ZMAT4: variants seen among roughly 807,000 people sequenced by gnomAD.
The protein encoded by ZMAT4 is zinc finger matrin-type protein 4.
Under a neutral mutation model 28.7 loss-of-function variants are expected in ZMAT4, and 17 were observed. The observed-to-expected ratio is 0.59, with a 90% CI of 0.41 to 0.89. ZMAT4 has a LOEUF of 0.89. Among genes scored for constraint, ZMAT4 ranks in the 40% least tolerant of loss-of-function variants. The pLI is 0.00. For synonymous variants in ZMAT4, 117 were observed against 109.2 expected (o/e 1.07, Z -0.44); for missense variants, 240 against 283.8 (o/e 0.85, Z 1.11).
At chr8:40,773,332 G>T (rs921699547) in intron 2 of ZMAT4, among the ~76,000 whole-genome samples, 1 of 152,204 alleles carries the variant, frequency 6.6e-6, no homozygotes, top group Non-Finnish European at 1.5e-5. Flanking sequence ...CAGACCTCCT[G>T]CCCAGGCCAC....
At chr8:40,674,677 G>T (rs767994075) in intron 5 of ZMAT4, 27 bp downstream of exon 5, 5 of 1,583,846 alleles carry the variant, frequency 3.2e-6, no homozygotes, top group Non-Finnish European at 3.5e-6. Context: ...CCAGTTTTGT[G>T]GCAGAAGTGA....
At chr8:40,702,388 G>T (rs1364685646) in intron 3 of ZMAT4, among the ~76,000 whole-genome samples, 3 of 152,178 alleles carry the variant, frequency 2.0e-5, no homozygotes, top group African/African-American at 7.2e-5. Context: ...TTTAAAATAT[G>T]AGTTTCAAAC....
rs569400732 is a variant in ZMAT4 at position 40,894,512 on chromosome 8, C to T, written c.-5+3171G>A. Among the ~76,000 whole-genome samples, 219 of 152,000 alleles carry T rather than the reference C, an allele frequency of 1.4e-3. 2 individuals are homozygous for T. The highest frequency in any genetic ancestry group is 4.9e-3 in the African/African-American group (205 of 41,434). On this transcript the variant is annotated intron_variant, in intron 1 of 6. Transcript: ENST00000297737. ...GAATGGAGGAAGGGAGGAAGGGGCACGAGCATGGGAAGGAGAGTGAGTAGG... is the reference window on the plus strand; with the variant it reads ...GAATGGAGGAAGGGAGGAAGGGGCATGAGCATGGGAAGGAGAGTGAGTAGG...
At chr8:40,875,541 C>G (rs1392196648) in intron 1 of ZMAT4, among the ~76,000 whole-genome samples, 1 of 152,172 alleles carries the variant, frequency 6.6e-6, no homozygotes, top group Non-Finnish European at 1.5e-5. Context: ...TTATTGCCTA[C>G]AGGATTTCCA....
intron 3 of ZMAT4, among the ~76,000 whole-genome samples, chr8:40,706,597 A>C (rs115829009): frequency 0.011 from 1,685 of 152,288 alleles, 36 homozygotes; most frequent in African/African-American, 0.038. Flanking sequence ...TCTCAACCAC[A>C]CTTTACTACC....
intron 3 of ZMAT4, among the ~76,000 whole-genome samples, chr8:40,706,101 A>G (rs1197149619): frequency 1.3e-5 from 2 of 152,248 alleles, no homozygotes; most frequent in East Asian, 3.9e-4. Flanking sequence ...TCTGTCACCC[A>G]GGCAACAGTG....
intron 6 of ZMAT4, among the ~76,000 whole-genome samples, chr8:40,576,993 A>G (rs866260742): frequency 3.9e-5 from 6 of 152,302 alleles, no homozygotes; most frequent in African/African-American, 1.4e-4. Context: ...CAGGAGTTCA[A>G]GACCAGCCTG....
intron 3 of ZMAT4, among the ~76,000 whole-genome samples, chr8:40,766,865 A>T (rs890081008): frequency 6.6e-6 from 1 of 152,242 alleles, no homozygotes; most frequent in African/African-American, 2.4e-5. Context: ...AGAAAACAAG[A>T]TCACAAGCAC....
chr8:40,778,192 C>A (rs1813686371), intron 2 of ZMAT4, among the ~76,000 whole-genome samples: 2 of 152,180 alleles, frequency 1.3e-5, no homozygotes, highest in African/African-American at 4.8e-5. Context: ...CATCTCTCAT[C>A]AAATTATATT....
At chr8:40,779,165 G>GATCT (rs1179262793) in intron 2 of ZMAT4, among the ~76,000 whole-genome samples, 3 of 152,122 alleles carry the variant, frequency 2.0e-5, no homozygotes, top group Non-Finnish European at 4.4e-5. Flanking sequence ...AGTCTCACAA[G>GATCT]ATCTGATGGT....
intron 6 of ZMAT4, among the ~76,000 whole-genome samples, chr8:40,554,432 C>T (rs1035870495): frequency 1.1e-4 from 16 of 152,110 alleles, no homozygotes; most frequent in Middle Eastern, 6.8e-3. Context: ...TGGGAATACA[C>T]TGCGAAAAAA....
chr8:40,792,519 G>A (rs1195564990), intron 2 of ZMAT4, among the ~76,000 whole-genome samples: 1 of 24,074 alleles, frequency 4.2e-5, no homozygotes, highest in Non-Finnish European at 8.0e-5. Context: ...AAGGAAGGAA[G>A]GAAGGAAGGA....
At chr8:40,755,789 C>A (rs992493941) in intron 3 of ZMAT4, among the ~76,000 whole-genome samples, 1 of 152,112 alleles carries the variant, frequency 6.6e-6, no homozygotes, top group Non-Finnish European at 1.5e-5. Context: ...ATGATATACC[C>A]TTCTTCTTTT....
intron 1 of ZMAT4, among the ~76,000 whole-genome samples, chr8:40,829,799 G>A (rs956263804): frequency 2.0e-5 from 3 of 152,162 alleles, no homozygotes; most frequent in Admixed American, 6.5e-5. Flanking sequence ...AGGATGGATA[G>A]GATTAGAGTG....
At chr8:40,576,587 A>C (rs13277202) in intron 6 of ZMAT4, among the ~76,000 whole-genome samples, 28,136 of 151,804 alleles carry the variant, frequency 0.19, 2,667 homozygotes, top group Non-Finnish European at 0.21. Flanking sequence ...GCTATTCTTC[A>C]GAAATGAAGT....
chr8:40,744,607 C>T (rs1037648218), intron 3 of ZMAT4, among the ~76,000 whole-genome samples: 3 of 152,170 alleles, frequency 2.0e-5, no homozygotes, highest in East Asian at 1.9e-4. Context: ...GCTGCTCAGC[C>T]GTAACCCACA....
intron 2 of ZMAT4, among the ~76,000 whole-genome samples, chr8:40,776,276 A>C (rs529503148): frequency 6.6e-6 from 1 of 152,354 alleles, no homozygotes; most frequent in Non-Finnish European, 1.5e-5. Context: ...ACAGCATTTA[A>C]AGTGAGGAAC....
intron 3 of ZMAT4, among the ~76,000 whole-genome samples, chr8:40,748,743 A>AT (rs77260583): frequency 0.12 from 18,658 of 151,306 alleles, 1,625 homozygotes; most frequent in East Asian, 0.38. Flanking sequence ...TAGGGCTTTT[A>AT]TTTTTTTTTA....
At chr8:40,579,017 C>T (rs190510342) in intron 6 of ZMAT4, among the ~76,000 whole-genome samples, 32 of 152,270 alleles carry the variant, frequency 2.1e-4, no homozygotes, top group Middle Eastern at 3.4e-3. Flanking sequence ...GTCACTTTAC[C>T]TCTCTAAGCA....
Sources: gnomAD v4.1 joint callset for allele counts (sites outside exome capture counted in the v4.1 genomes callset) on GRCh38, gnomAD v4.1.1 for gene constraint, MANE v1.5 for transcripts, NCBI Gene and HGNC (gene_info 2026-07-23, HGNC 2026-07-21) for gene names.